Variants in MAPK8IP3 observed in about 807,000 individuals in gnomAD.
The protein encoded by MAPK8IP3 is C-Jun-amino-terminal kinase-interacting protein 3.
A neutral mutation model predicts 157.8 loss-of-function variants in MAPK8IP3; 49 were observed. The ratio of observed to expected loss-of-function variants is 0.31; its 90% CI spans 0.25 to 0.39. The LOEUF is 0.39. Ranked by LOEUF, MAPK8IP3 falls within the 10% of genes least tolerant of loss-of-function variation. MAPK8IP3 has a pLI of 1.00. For missense variants in MAPK8IP3, 1,478 were observed against 1,889.4 expected, an observed-to-expected ratio of 0.78 and a Z score of 4.04; for synonymous variants, 897 against 777.7, an observed-to-expected ratio of 1.15 and a Z score of -2.55.
Position 1,729,715 on chromosome 16 carries a change from C to A in MAPK8IP3, c.602+137C>A, listed in dbSNP as rs1033800606. ...AGGACGACAGGGAACACTCTGGAGA[C>A]CCAGGAGGAGGGAGCTGGTTGGAGC... On this transcript the variant is annotated intron_variant, in intron 4 of 31. Coordinates refer to ENST00000610761, the MANE Select transcript of MAPK8IP3 (RefSeq NM_001318852.2). 8 of 838,394 alleles carry A rather than the reference C, an allele frequency of 9.5e-6. No individual in the cohort carries two copies. In the African/African-American group the frequency reaches 1.4e-4, roughly 14 times the overall value. The allele number at this position is 838,394 out of a possible 1,614,324, so 51.9% of individuals were successfully genotyped here. A position where few individuals can be genotyped will look rare whatever the true frequency, so the allele number is the denominator to read the frequency against.
intron 2 of MAPK8IP3, among the ~76,000 whole-genome samples, chr16:1,728,518 C>T (rs553702837): frequency 6.6e-6 from 1 of 152,334 alleles, no homozygotes; most frequent in South Asian, 2.1e-4. Flanking sequence ...TCCCCACCCC[C>T]ATATTTAACT....
rs371204212 is a variant in MAPK8IP3 at position 1,766,257 on chromosome 16, G to A, written c.2667G>A (p.Pro889=). ...CCATCGCCAACGGGAAGGTCAACCC[G>A]TCCCAGTCCACAGAGGAGGCCACAG... The part of the protein sequence containing the change: ...VATIANGKVN[P]SQSTEEATEA... Residue 889 remains proline, a synonymous_variant, in exon 22 of 32, where the codon CCG becomes CCA. Coordinates refer to ENST00000610761, the MANE Select transcript of MAPK8IP3 (RefSeq NM_001318852.2). 4.5e-5 allele frequency: 73 copies of A among 1,612,012 alleles called. No individual in the cohort carries two copies. Among genetic ancestry groups the A allele is most frequent in the Admixed American group, 6.7e-5 (4 of 59,994 alleles).
intron 2 of MAPK8IP3, among the ~76,000 whole-genome samples, chr16:1,728,753 C>T (rs75341726): frequency 6.8e-6 from 1 of 147,976 alleles, no homozygotes; most frequent in Non-Finnish European, 1.5e-5. Flanking sequence ...AGCAGCCCCC[C>T]AGACGGCCTT....
intron 2 of MAPK8IP3, 131 bp from the exon 3 acceptor site, chr16:1,729,007 T>G: frequency 1.2e-6 from 1 of 805,262 alleles, no homozygotes; most frequent in Non-Finnish European, 2.1e-6. Flanking sequence ...CTTGCCGGGC[T>G]GCTGCTGGTT....
intron 3 of MAPK8IP3, 91 bp downstream of exon 3, chr16:1,729,299 C>G (rs1233855908): frequency 3.0e-5 from 43 of 1,445,898 alleles, no homozygotes; most frequent in Non-Finnish European, 4.0e-5. Flanking sequence ...GTTTTCTTCC[C>G]TGGCATGTCC....
chr16:1,756,397 T>G (rs1451893745), intron 8 of MAPK8IP3, among the ~76,000 whole-genome samples: 1 of 151,652 alleles, frequency 6.6e-6, no homozygotes, highest in Non-Finnish European at 1.5e-5. Flanking sequence ...CCCCAGCTAC[T>G]TGGGAGGCTG....
Position 1,748,236 on chromosome 16 carries a change from T to C in MAPK8IP3, c.995-8T>C, listed in dbSNP as rs778247049. The stretch of plus-strand genomic sequence containing the variant: ...CCTGACCCCAGGTGCCCCTGTGCTC[T>C]CCCCTAGGCATGGGCAGCAGTGACG... On this transcript the variant is annotated splice_region_variant and splice_polypyrimidine_tract_variant and intron_variant, in intron 6 of 31. Transcript: ENST00000610761. The C allele has an allele frequency of 6.2e-7, 1 of 1,608,708 alleles. No individual in the cohort carries two copies. Among genetic ancestry groups the C allele is most frequent in the South Asian group, 1.1e-5 (1 of 90,988 alleles).
intron 6 of MAPK8IP3, among the ~76,000 whole-genome samples, chr16:1,747,548 G>T (rs1303336014): frequency 6.6e-6 from 1 of 152,188 alleles, no homozygotes; most frequent in Non-Finnish European, 1.5e-5. Flanking sequence ...CAAGGACATA[G>T]CCCCATTGGA....
At chr16:1,736,171 C>G (rs1380166324) in intron 4 of MAPK8IP3, among the ~76,000 whole-genome samples, 1 of 97,704 alleles carries the variant, frequency 1.0e-5, no homozygotes, top group Non-Finnish European at 2.0e-5. Context: ...TGTGAGCGTC[C>G]GTGTGAGCGT....
Position 1,765,239 on chromosome 16 carries a change from T to A in MAPK8IP3, c.2446+61T>A. 4.0e-6 allele frequency: 6 copies of A among 1,518,554 alleles called. No individual in the cohort carries two copies. In the South Asian group the frequency reaches 7.6e-5, roughly 19 times the overall value. The allele number at this position is 1,518,554 out of a possible 1,614,324, so 94.1% of individuals were successfully genotyped here. A position where few individuals can be genotyped will look rare whatever the true frequency, so the allele number is the denominator to read the frequency against. On this transcript the variant is annotated intron_variant, in intron 20 of 31. Transcript: ENST00000610761. ...CACTCCCTTTTACTAGCAAGCTAAG[T>A]AAAAGCCCTGCCACACAGCAGCTGC...
Position 1,766,920 on chromosome 16 carries a change from G to T in MAPK8IP3, c.3037G>T (p.Val1013Leu), listed in dbSNP as rs1273437140. 1 of 1,600,458 alleles carries T rather than the reference G, an allele frequency of 6.2e-7. No individual in the cohort carries two copies. Among genetic ancestry groups the T allele is most frequent in the Admixed American group, 1.7e-5 (1 of 59,476 alleles). Residue 1013 changes from valine to leucine, a missense_variant, in exon 25 of 32, where the codon GTG becomes TTG. Around this residue, in one of 11 missense-constraint regions of MAPK8IP3, gnomAD observed 669 missense variants for 759.8 expected, o/e 0.88. Coordinates refer to ENST00000610761, the MANE Select transcript of MAPK8IP3 (RefSeq NM_001318852.2). ...CTGTTTCAGGCATGTCAAAGGCCGT[G>T]TGCTGGTGGCTCTGGCGGACGGGAC... ...VLSLVHVKGR[V>L]LVALADGTLA...
At chr16:1,765,314 G>A in intron 20 of MAPK8IP3, 136 bp downstream of exon 20, 1 of 1,102,804 alleles carries the variant, frequency 9.1e-7, no homozygotes, top group Non-Finnish European at 1.3e-6. Flanking sequence ...GACGGTGGGA[G>A]GGGCAGCACC....
intron 1 of MAPK8IP3, among the ~76,000 whole-genome samples, chr16:1,716,358 C>T (rs1408744052): frequency 6.9e-6 from 1 of 145,462 alleles, no homozygotes; most frequent in East Asian, 2.0e-4. Flanking sequence ...CATGCAGTGG[C>T]GCGATCTCGG....
chr16:1,739,166 GTGACCATCCA>G (rs2040400204), intron 4 of MAPK8IP3, among the ~76,000 whole-genome samples: 1 of 140,084 alleles, frequency 7.1e-6, no homozygotes, highest in African/African-American at 2.7e-5. Flanking sequence ...CCGTGTGAGT[GTGACCATCCA>G]TGTGAGCATC....
intron 1 of MAPK8IP3, among the ~76,000 whole-genome samples, chr16:1,712,255 G>A (rs944255574): frequency 1.3e-5 from 2 of 151,660 alleles, no homozygotes; most frequent in Admixed American, 1.3e-4. Context: ...TAGAGATGGG[G>A]TTTCACCGTG....
rs1022539258 is a variant in MAPK8IP3 at position 1,751,282 on chromosome 16, C to A, written c.1216+2562C>A. Among the ~76,000 whole-genome samples the A allele has an allele frequency of 3.9e-5, 6 of 152,024 alleles. No homozygotes were observed. The highest frequency in any genetic ancestry group is 1.4e-4 in the African/African-American group (6 of 41,394). On this transcript the variant is annotated intron_variant, in intron 8 of 31. Coordinates refer to ENST00000610761, the MANE Select transcript of MAPK8IP3 (RefSeq NM_001318852.2). This position sits in a 1 kb window ranked among gnomAD's most constrained non-coding sequence, Gnocchi z 5.0. ...ACCAGCCTGGCCAACATGGTGAAACCCATCTCTACTAAAAATACAAAAAGA... is the reference window on the plus strand; with the variant it reads ...ACCAGCCTGGCCAACATGGTGAAACACATCTCTACTAAAAATACAAAAAGA...
At chr16:1,759,026 C>T (rs1204454313) in intron 10 of MAPK8IP3, 31 bp downstream of exon 10, 16 of 1,613,446 alleles carry the variant, frequency 9.9e-6, no homozygotes, top group African/African-American at 1.3e-5. Flanking sequence ...CAGCGTGCGT[C>T]GCTCCTCCAC....
chr16:1,743,935 G>A lies in MAPK8IP3; in HGVS notation c.747+459G>A. ...GGGGTTTGCCCTCCGTTGGCAGAAA[G>A]GTGAGGAGAAAGCTCCTCTTCTCTG... On this transcript the variant is annotated intron_variant, in intron 5 of 31. Transcript: ENST00000610761. The surrounding 1 kb of genome is among the most constrained non-coding windows in gnomAD (Gnocchi z 5.6). The A allele has an allele frequency of 3.0e-6, 3 of 1,007,142 alleles. No homozygotes were observed. The highest frequency in any genetic ancestry group is 4.0e-5 in the South Asian group (1 of 24,726). The allele number at this position is 1,007,142 out of a possible 1,614,324, so 62.4% of individuals were successfully genotyped here. A position where few individuals can be genotyped will look rare whatever the true frequency, so the allele number is the denominator to read the frequency against.
At chr16:1,737,092 G>T (rs1187176010) in intron 4 of MAPK8IP3, among the ~76,000 whole-genome samples, 2 of 84,490 alleles carry the variant, frequency 2.4e-5, no homozygotes, top group Non-Finnish European at 4.7e-5. Flanking sequence ...GTCCGTGTGA[G>T]TGTGACCATC....
Sources: gnomAD v4.1 joint callset for allele counts (sites outside exome capture counted in the v4.1 genomes callset) on GRCh38, gnomAD v4.1.1 for gene constraint, gnomAD v4.1.1 regional missense constraint, Gnocchi (gnomAD v3.1) non-coding constraint, MANE v1.5 for transcripts, NCBI Gene and HGNC (gene_info 2026-07-23, HGNC 2026-07-21) for gene names.